The following ARID4A variants were observed in gnomAD, a reference collection of about 807,000 sequenced individuals.
ARID4A encodes AT-rich interaction domain 4A.
Under a neutral mutation model 148.6 loss-of-function variants are expected in ARID4A, and 39 were observed. That is an observed-to-expected ratio of 0.26 (90% CI 0.20 to 0.34). ARID4A has a LOEUF of 0.34. ARID4A is among the 10% of genes least tolerant of loss of function. The probability of loss-of-function intolerance (pLI) is 1.00; values close to 1 mark genes in which losing one functional copy is unlikely to be tolerated. For missense variants in ARID4A, 1,265 were observed against 1,449.1 expected (o/e 0.87, Z 2.06); for synonymous variants, 475 against 481.2 (o/e 0.99, Z 0.17).
At chr14:58,318,857 A>G (rs540679048) in intron 7 of ARID4A, 52 bp downstream of exon 7, 2 of 1,450,986 alleles carry the variant, frequency 1.4e-6, no homozygotes, top group South Asian at 2.4e-5. Flanking sequence ...TATAACCTTA[A>G]ACAAGGGATT....
At chr14:58,325,370 C>T (rs1003201122) in intron 8 of ARID4A, among the ~76,000 whole-genome samples, 1 of 152,112 alleles carries the variant, frequency 6.6e-6, no homozygotes, top group Non-Finnish European at 1.5e-5. Flanking sequence ...CAGCCTTAAC[C>T]TCCCTGGGCT....
chr14:58,348,193 C>A (rs1340424444), intron 15 of ARID4A, among the ~76,000 whole-genome samples: 1 of 152,116 alleles, frequency 6.6e-6, no homozygotes, highest in East Asian at 1.9e-4. Flanking sequence ...GAAATTGTAA[C>A]CTGCCTCCTC....
chr14:58,327,965 G>T (rs1342702772), intron 8 of ARID4A, among the ~76,000 whole-genome samples: 1 of 152,100 alleles, frequency 6.6e-6, no homozygotes, highest in African/African-American at 2.4e-5. Flanking sequence ...GAGTCACTAG[G>T]CCTGGCCCTG....
chr14:58,328,290 A>C lies in ARID4A; in HGVS notation c.636A>C (p.Leu212Phe), dbSNP rs2033327017. 3.1e-6 allele frequency: 5 copies of C among 1,603,312 alleles called. No individual in the cohort carries two copies. The highest frequency in any genetic ancestry group is 2.2e-5 in the East Asian group (1 of 44,688). Residue 212 changes from leucine to phenylalanine, a missense_variant, in exon 9 of 24, where the codon TTA (leucine) becomes TTC (phenylalanine). Physicochemically the swap from Leu to Phe is conservative, Grantham distance 22. Around this residue, in one of 9 missense-constraint regions of ARID4A, gnomAD observed 249 missense variants for 277.2 expected, o/e 0.90. Coordinates refer to ENST00000355431, the MANE Select transcript of ARID4A (RefSeq NM_002892.4). ...DDITVKKDQC[L>F]VRSFIDSKFY... Reference sequence around the variant, plus strand: ...TCACAGTGAAAAAGGATCAGTGTTTAGTTCGATCATTTATTGATTCTAAAT... The same window carrying C: ...TCACAGTGAAAAAGGATCAGTGTTTCGTTCGATCATTTATTGATTCTAAAT...
At chr14:58,326,125 T>G (rs2033194981) in intron 8 of ARID4A, among the ~76,000 whole-genome samples, 1 of 152,216 alleles carries the variant, frequency 6.6e-6, no homozygotes, top group East Asian at 1.9e-4. Flanking sequence ...TTAAAGATAG[T>G]AGGCAAAGCT....
chr14:58,353,817 A>G lies in ARID4A; in HGVS notation c.1815A>G (p.Glu605=), dbSNP rs2034748110. The part of the protein sequence containing the change: ...SIKSTEIDDG[E]VLYLVHYYGW... ...AAAGCACTGAAATTGATGACGGAGAAGTTTTATATTTGGTACATTACTATG... is the reference window on the plus strand; with the variant it reads ...AAAGCACTGAAATTGATGACGGAGAGGTTTTATATTTGGTACATTACTATG... Residue 605 remains glutamate, a synonymous_variant, in exon 17 of 24, where the codon GAA becomes GAG. Transcript: ENST00000355431. 1.2e-6 allele frequency: 2 copies of G among 1,613,808 alleles called. No homozygotes were observed. Among genetic ancestry groups the G allele is most frequent in the African/African-American group, 2.7e-5 (2 of 74,940 alleles).
chr14:58,314,493 A>G (rs1204013339), intron 5 of ARID4A, among the ~76,000 whole-genome samples: 1 of 152,196 alleles, frequency 6.6e-6, no homozygotes, highest in Admixed American at 6.5e-5. Context: ...AGTGGCAATT[A>G]TAGCTCCCTG....
intron 10 of ARID4A, 37 bp downstream of exon 10, chr14:58,329,641 G>A: frequency 6.7e-7 from 1 of 1,503,554 alleles, no homozygotes; most frequent in Non-Finnish European, 9.3e-7. Context: ...ATTTTATGTT[G>A]TGGCTCTATT....
At chr14:58,311,110 G>A (rs1279093279) in intron 5 of ARID4A, among the ~76,000 whole-genome samples, 2 of 152,100 alleles carry the variant, frequency 1.3e-5, no homozygotes, top group Non-Finnish European at 2.9e-5. Context: ...GCTGGGTGTG[G>A]TGGTACATGC....
At chr14:58,319,790 G>A (rs562822998) in intron 7 of ARID4A, among the ~76,000 whole-genome samples, 13 of 151,324 alleles carry the variant, frequency 8.6e-5, no homozygotes, top group Non-Finnish European at 1.8e-4. Flanking sequence ...TGATTTGCCC[G>A]CCTTGGCCTC....
intron 4 of ARID4A, 74 bp downstream of exon 4, chr14:58,305,083 CAT>C (rs1372164974): frequency 2.4e-6 from 3 of 1,240,274 alleles, no homozygotes; most frequent in Non-Finnish European, 3.4e-6. Context: ...TACATTTCTA[CAT>C]AGACTTAACA....
chr14:58,365,498 T>C lies in ARID4A; in HGVS notation c.3212-20T>C, dbSNP rs1470932132. On this transcript the variant is annotated intron_variant, in intron 20 of 23. Transcript: ENST00000355431. ...TTTTTTTTTTTTTTTTTCAACATTC[T>C]CTCTTTCCCCTTATTTCAGGTCAGA... 3 of 1,011,302 alleles carry C rather than the reference T, an allele frequency of 3.0e-6. No individual in the cohort carries two copies. Among genetic ancestry groups the C allele is most frequent in the African/African-American group, 3.4e-5 (2 of 58,912 alleles). 62.6% of individuals were successfully genotyped at this position (1,011,302 alleles called of 1,614,324 possible).
chr14:58,323,685 AG>A, intron 8 of ARID4A, 68 bp downstream of exon 8: 1 of 1,406,526 alleles, frequency 7.1e-7, no homozygotes, highest in Non-Finnish European at 9.8e-7. Context: ...TTTTTTTAAA[AG>A]CATTTAAAAT....
chr14:58,322,222 G>C (rs563658958), intron 7 of ARID4A, among the ~76,000 whole-genome samples: 1 of 151,794 alleles, frequency 6.6e-6, no homozygotes, highest in Non-Finnish European at 1.5e-5. Context: ...CACCCGCCTC[G>C]GCCTCCCAAA....
In ARID4A at chr14:58,342,912, T is replaced by TA. The variant is rs748069081; in HGVS notation, c.907-1770dup. ...CTGGGTGACAGGAAGACTCTGTCTT[T>TA]AAAAAAAAAAAAATACTGGAATGAA... On this transcript the variant is annotated intron_variant, in intron 11 of 23. Coordinates refer to ENST00000355431, the MANE Select transcript of ARID4A (RefSeq NM_002892.4). Among the ~76,000 whole-genome samples the TA allele has an allele frequency of 6.6e-3, 956 of 145,606 alleles. 5 individuals carry two copies. The highest frequency in any genetic ancestry group is 0.011 in the East Asian group (54 of 5,040).
intron 15 of ARID4A, among the ~76,000 whole-genome samples, chr14:58,350,816 T>C (rs1289437711): frequency 6.6e-6 from 1 of 152,200 alleles, no homozygotes; most frequent in Non-Finnish European, 1.5e-5. Context: ...TGTTGTTGTT[T>C]ACTTTTTTCA....
rs1010007416 is a variant in ARID4A, at chr14:58,359,074, A to C, written c.1854-58A>C. 7 of 1,511,758 alleles carry C rather than the reference A, an allele frequency of 4.6e-6. No individual in the cohort carries two copies. In the East Asian group the frequency reaches 1.6e-4, roughly 36 times the overall value. 93.6% of individuals were successfully genotyped at this position (1,511,758 alleles called of 1,614,324 possible). The stretch of plus-strand genomic sequence containing the variant: ...GTTTTCGTTTGGTGAATACATTTCA[A>C]AAAGGTTATAATGTATAAAGTTTGT... On this transcript the variant is annotated intron_variant, in intron 17 of 23. Transcript: ENST00000355431.
At position 58,365,202 on chromosome 14, in the gene ARID4A, A is replaced by T. The variant is rs1190001030; in HGVS notation, c.3113A>T (p.Glu1038Val). The T allele has an allele frequency of 2.5e-6, 4 of 1,613,994 alleles. No homozygotes were observed. In the South Asian group the frequency reaches 3.3e-5, roughly 13 times the overall value. Residue 1038 changes from glutamate to valine, a missense_variant, in exon 20 of 24, where the codon GAA becomes GTA. Around this residue, in one of 9 missense-constraint regions of ARID4A, gnomAD observed 666 missense variants for 730.9 expected, o/e 0.91. Transcript: ENST00000355431. ...GATAGTATTGCTGAAGAATCTCAAG[A>T]AGGTCTCTGTGAGAGGGAATCGGCA... The part of the protein sequence containing the change: ...EVDSIAEESQ[E>V]GLCERESANG...
At chr14:58,350,969 C>A in intron 15 of ARID4A, 104 bp from the exon 16 acceptor site, 1 of 1,232,088 alleles carries the variant, frequency 8.1e-7, no homozygotes, top group Non-Finnish European at 1.1e-6. Context: ...GGCCACGTTT[C>A]AAGCCAGAGA....
Sources: gnomAD v4.1 joint callset for allele counts (sites outside exome capture counted in the v4.1 genomes callset) on GRCh38, gnomAD v4.1.1 for gene constraint, gnomAD v4.1.1 regional missense constraint, MANE v1.5 for transcripts, NCBI Gene and HGNC (gene_info 2026-07-23, HGNC 2026-07-21) for gene names.